GRIN2A: variants seen among roughly 807,000 people sequenced by gnomAD.
The protein encoded by GRIN2A is glutamate ionotropic receptor NMDA type subunit 2A.
A neutral mutation model predicts 113.4 loss-of-function variants in GRIN2A; 22 were observed. The observed-to-expected ratio is 0.19, with a 90% CI of 0.14 to 0.28. The LOEUF (loss-of-function observed/expected upper bound fraction) is 0.28. Ranked by LOEUF, GRIN2A falls within the 10% of genes least tolerant of loss-of-function variation. GRIN2A has a pLI of 1.00. For missense variants in GRIN2A, 1,502 were observed against 1,887.0 expected (o/e 0.80, Z 3.78); for synonymous variants, 827 against 738.4 (o/e 1.12, Z -1.94).
At chr16:10,089,169 T>C (rs1213895225) in intron 2 of GRIN2A, among the ~76,000 whole-genome samples, 2 of 152,210 alleles carry the variant, frequency 1.3e-5, no homozygotes, top group Non-Finnish European at 2.9e-5. Flanking sequence ...TCAACTACTG[T>C]AGTAATCAAT....
chr16:9,852,372 G>T (rs1020564744), intron 4 of GRIN2A, among the ~76,000 whole-genome samples: 1 of 152,120 alleles, frequency 6.6e-6, no homozygotes, highest in African/African-American at 2.4e-5. Flanking sequence ...GTAAATTAAG[G>T]CAAAGACTAG....
At chr16:10,101,962 C>T (rs2048407794) in intron 2 of GRIN2A, among the ~76,000 whole-genome samples, 1 of 152,206 alleles carries the variant, frequency 6.6e-6, no homozygotes, top group Admixed American at 6.5e-5. Flanking sequence ...AAGCTGAAAA[C>T]ATGGTGGTAA....
rs1216078276 is a variant in GRIN2A, at chr16:10,096,346, G to A, written c.414+83652C>T. Among the ~76,000 whole-genome samples, 6 of 152,234 alleles carry A rather than the reference G, an allele frequency of 3.9e-5. No individual in the cohort carries two copies. In the East Asian group the frequency reaches 1.2e-3, roughly 29 times the overall value. On this transcript the variant is annotated intron_variant, in intron 2 of 12. Coordinates refer to ENST00000330684, the MANE Select transcript of GRIN2A (RefSeq NM_001134407.3). ...GCAGCACCTAACCACCCGGAGACTT[G>A]TAACAAATGCAGATTCTTGGGCCTC...
chr16:9,797,031 CTG>C (rs1207617228), intron 11 of GRIN2A, among the ~76,000 whole-genome samples: 1 of 152,216 alleles, frequency 6.6e-6, no homozygotes, highest in African/African-American at 2.4e-5. Flanking sequence ...GGATTTAACT[CTG>C]TGAATAGAAA....
At chr16:10,029,057 A>C (rs1216505645) in intron 2 of GRIN2A, among the ~76,000 whole-genome samples, 1 of 152,164 alleles carries the variant, frequency 6.6e-6, no homozygotes, top group African/African-American at 2.4e-5. Flanking sequence ...GAGGGATCTC[A>C]CTTTCCCAAC....
chr16:10,074,944 TG>T (rs1446961326), intron 2 of GRIN2A, among the ~76,000 whole-genome samples: 4 of 152,222 alleles, frequency 2.6e-5, no homozygotes, highest in Admixed American at 2.6e-4. Flanking sequence ...TTCTCCTTGC[TG>T]GCCTAAGTGC....
At chr16:9,821,216 C>T (rs2042278647) in intron 10 of GRIN2A, among the ~76,000 whole-genome samples, 1 of 152,104 alleles carries the variant, frequency 6.6e-6, no homozygotes, top group African/African-American at 2.4e-5. Context: ...CTGAAATGCC[C>T]CATATGAGCT....
chr16:9,803,091 C>A (rs1032043135), intron 10 of GRIN2A, among the ~76,000 whole-genome samples: 1 of 152,174 alleles, frequency 6.6e-6, no homozygotes, highest in Non-Finnish European at 1.5e-5. Context: ...ATTTCTCAGG[C>A]TCAGTTTTCC....
At chr16:10,111,646 G>A in intron 2 of GRIN2A, 1 of 1,542,430 alleles carries the variant, frequency 6.5e-7, no homozygotes, top group Non-Finnish European at 8.9e-7. Context: ...GGGAGGTATT[G>A]GTTTCATTCA....
intron 2 of GRIN2A, among the ~76,000 whole-genome samples, chr16:10,104,131 C>G (rs2048450225): frequency 6.6e-6 from 1 of 152,292 alleles, no homozygotes; most frequent in Non-Finnish European, 1.5e-5. Flanking sequence ...TATTTTTTCT[C>G]TAGGACTAAA....
chr16:9,874,263 A>G (rs1167140023), intron 4 of GRIN2A, among the ~76,000 whole-genome samples: 2 of 152,248 alleles, frequency 1.3e-5, no homozygotes, highest in African/African-American at 4.8e-5. Flanking sequence ...CAATGGCTAG[A>G]TAACAAACCA....
intron 2 of GRIN2A, among the ~76,000 whole-genome samples, chr16:9,969,922 C>T (rs1441868824): frequency 6.6e-6 from 1 of 152,250 alleles, no homozygotes; most frequent in African/African-American, 2.4e-5. Context: ...ACAGGCACGC[C>T]TACTCCCGCA....
chr16:10,031,790 G>C (rs1350497405), intron 2 of GRIN2A, among the ~76,000 whole-genome samples: 1 of 152,206 alleles, frequency 6.6e-6, no homozygotes, highest in African/African-American at 2.4e-5. Flanking sequence ...TGTGGCCTGA[G>C]GGTCTCAGCA....
chr16:9,984,492 A>G (rs2045946721), intron 2 of GRIN2A, among the ~76,000 whole-genome samples: 1 of 152,210 alleles, frequency 6.6e-6, no homozygotes, highest in African/African-American at 2.4e-5. Context: ...TAGGTTTTAC[A>G]CGTCAGTCTT....
At chr16:9,776,590 G>A (rs1405770674) in intron 11 of GRIN2A, among the ~76,000 whole-genome samples, 1 of 152,062 alleles carries the variant, frequency 6.6e-6, no homozygotes, top group African/African-American at 2.4e-5. Flanking sequence ...GCTCTTGGGC[G>A]AGTATGTTCT....
At chr16:10,064,445 CT>C in intron 2 of GRIN2A, among the ~76,000 whole-genome samples, 1 of 152,306 alleles carries the variant, frequency 6.6e-6, no homozygotes, top group East Asian at 1.9e-4. Context: ...TCAACTAGGA[CT>C]TTATCAACGG....
chr16:9,902,830 T>G (rs1405173895), intron 3 of GRIN2A, among the ~76,000 whole-genome samples: 2 of 152,076 alleles, frequency 1.3e-5, no homozygotes, highest in Admixed American at 1.3e-4. Context: ...CAGAATGCCT[T>G]TCTGCCTCAT....
At chr16:9,974,289 A>C (rs1045278888) in intron 2 of GRIN2A, among the ~76,000 whole-genome samples, 2 of 152,208 alleles carry the variant, frequency 1.3e-5, no homozygotes, top group Non-Finnish European at 2.9e-5. Flanking sequence ...ACCCGAAATC[A>C]GGCCTGGGCC....
chr16:10,179,855 A>T, intron 2 of GRIN2A, 143 bp downstream of exon 2: 3 of 739,854 alleles, frequency 4.1e-6, no homozygotes, highest in East Asian at 2.7e-5. Flanking sequence ...CCTGGTTCTC[A>T]CCAGGGCCAG....
Sources: gnomAD v4.1 joint callset for allele counts (sites outside exome capture counted in the v4.1 genomes callset) on GRCh38, gnomAD v4.1.1 for gene constraint, MANE v1.5 for transcripts, NCBI Gene and HGNC (gene_info 2026-07-23, HGNC 2026-07-21) for gene names.